Variants in TANC1 observed in about 807,000 individuals in gnomAD.
The protein encoded by TANC1 is protein TANC1.
TANC1 carries 77 observed loss-of-function variants against 149.7 expected under a neutral mutation model. The ratio of observed to expected loss-of-function variants is 0.51; its 90% CI spans 0.43 to 0.62. The LOEUF is 0.62. TANC1 is among the 20% of genes least tolerant of loss of function. TANC1 has a pLI of 0.00. For synonymous variants in TANC1, 854 were observed against 925.0 expected, an observed-to-expected ratio of 0.92 and a Z score of 1.39; for missense variants, 1,985 against 2,321.8, an observed-to-expected ratio of 0.85 and a Z score of 2.98.
At chr2:159,081,476 C>T (rs1044800072) in intron 3 of TANC1, among the ~76,000 whole-genome samples, 6 of 151,932 alleles carry the variant, frequency 3.9e-5, no homozygotes, top group African/African-American at 1.5e-4. Flanking sequence ...GGTGCTCCTA[C>T]CTCCCTCTGG....
At position 159,193,634 on chromosome 2, in the gene TANC1, C is replaced by T. The variant is rs1027584907; in HGVS notation, c.2743-623C>T. Among the ~76,000 whole-genome samples the T allele has an allele frequency of 2.0e-5, 3 of 152,144 alleles. No individual in the cohort carries two copies. The East Asian group carries it at 5.8e-4, about 29-fold the overall frequency. On this transcript the variant is annotated intron_variant, in intron 16 of 26. Coordinates refer to ENST00000263635, the MANE Select transcript of TANC1 (RefSeq NM_033394.3). ...CCACCTCCCGGGTTCAAGCGATTCT[C>T]CTGCCTCAGCCTCCCAAGTAGCTGA...
intron 3 of TANC1, among the ~76,000 whole-genome samples, chr2:159,071,164 A>G (rs1052545296): frequency 6.6e-5 from 10 of 152,146 alleles, no homozygotes; most frequent in Admixed American, 1.3e-4. Flanking sequence ...CTAGTTGTTC[A>G]GTATTGGTGA....
At chr2:159,066,761 A>T (rs2042703111) in intron 3 of TANC1, among the ~76,000 whole-genome samples, 1 of 152,184 alleles carries the variant, frequency 6.6e-6, no homozygotes, top group African/African-American at 2.4e-5. Context: ...TATAATGAGA[A>T]CTACTTAATT....
intron 4 of TANC1, among the ~76,000 whole-genome samples, chr2:159,121,086 C>G (rs1051113721): frequency 6.6e-6 from 1 of 152,134 alleles, no homozygotes; most frequent in Non-Finnish European, 1.5e-5. Flanking sequence ...ACAAGGTAAC[C>G]TGATGGTCTA....
chr2:158,974,244 C>T (rs2033322134), intron 1 of TANC1, among the ~76,000 whole-genome samples: 1 of 152,082 alleles, frequency 6.6e-6, no homozygotes, highest in African/African-American at 2.4e-5. Flanking sequence ...CTCACTGGTG[C>T]CGTGGTGGTT....
chr2:159,197,185 G>A (rs575455579), intron 18 of TANC1, among the ~76,000 whole-genome samples: 159 of 152,228 alleles, frequency 1.0e-3, no homozygotes, highest in Non-Finnish European at 2.0e-3. Flanking sequence ...TCGTTCCTGA[G>A]TATTTGAAGG....
chr2:159,085,158 G>A (rs2044708638), intron 3 of TANC1, among the ~76,000 whole-genome samples: 1 of 152,140 alleles, frequency 6.6e-6, no homozygotes, highest in Non-Finnish European at 1.5e-5. Flanking sequence ...CATGGGAATG[G>A]ATTAGTTCCA....
intron 5 of TANC1, among the ~76,000 whole-genome samples, chr2:159,143,842 A>G (rs2051739836): frequency 6.6e-6 from 1 of 152,142 alleles, no homozygotes; most frequent in Admixed American, 6.5e-5. Flanking sequence ...TTTAAAATCA[A>G]AAGTACAGCT....
intron 19 of TANC1, among the ~76,000 whole-genome samples, chr2:159,212,919 CAAAAAAA>C (rs35369711): frequency 2.6e-5 from 3 of 114,998 alleles, no homozygotes; most frequent in African/African-American, 6.8e-5. Flanking sequence ...GACACCGTCT[CAAAAAAA>C]AAAAAAAAAA....
intron 4 of TANC1, among the ~76,000 whole-genome samples, chr2:159,100,162 G>T (rs997475146): frequency 2.1e-4 from 32 of 152,172 alleles, no homozygotes; most frequent in African/African-American, 7.5e-4. Flanking sequence ...CCTACCTATA[G>T]TCTGTGCTAC....
At chr2:159,199,169 C>T in intron 19 of TANC1, 116 bp downstream of exon 19, 2 of 711,068 alleles carry the variant, frequency 2.8e-6, no homozygotes, top group Non-Finnish European at 4.7e-6. Context: ...TATTTTATCA[C>T]AAGCATTTGA....
chr2:159,159,804 T>C (rs1432222213), intron 7 of TANC1, among the ~76,000 whole-genome samples: 1 of 150,946 alleles, frequency 6.6e-6, no homozygotes, highest in Non-Finnish European at 1.5e-5. Flanking sequence ...GTGGGGTTGA[T>C]GGTTCTCAGC....
chr2:159,229,765 A>G lies in TANC1; in HGVS notation c.4339A>G (p.Thr1447Ala). 6.2e-7 allele frequency: 1 copy of G among 1,613,854 alleles called. No individual in the cohort carries two copies. Among genetic ancestry groups the G allele is most frequent in the Non-Finnish European group, 8.5e-7 (1 of 1,179,958 alleles). The change falls in exon 27 of 27, where the codon ACC becomes GCC. Residue 1447 changes from threonine (T) to alanine (A), a missense_variant. By Grantham distance (58) the Thr-to-Ala change is moderately conservative. Around this residue, in one of 3 missense-constraint regions of TANC1, gnomAD observed 920 missense variants for 994.7 expected, o/e 0.92. Transcript: ENST00000263635. ...CTCCGAGAACGAAGAGGACACCCCA[A>G]CCCCTGGCTTAAGTGACCACTTTCA... ...NDSENEEDTP[T>A]PGLSDHFHSE...
intron 4 of TANC1, among the ~76,000 whole-genome samples, chr2:159,099,655 A>G (rs536727597): frequency 6.6e-6 from 1 of 152,086 alleles, no homozygotes; most frequent in South Asian, 2.1e-4. Context: ...GTTTAGCAAG[A>G]ACGCCTCCCC....
At chr2:159,064,372 G>A (rs1290898937) in intron 2 of TANC1, among the ~76,000 whole-genome samples, 1 of 152,220 alleles carries the variant, frequency 6.6e-6, no homozygotes, top group Non-Finnish European at 1.5e-5. Flanking sequence ...AAACTTGTGT[G>A]TAAGATGATT....
rs371911240 is a variant in TANC1 at position 159,170,684 on chromosome 2, G to A, written c.1230G>A (p.Ala410=). ...RNTELAENRG[A]VVVGNVGFGK... is the part of the protein sequence containing the mutation. ...CAGAACTGGCAGAAAACAGAGGCGC[G>A]GTGGTGGTTGGCAATGTGGGATTTG... Residue 410 remains alanine (A), a synonymous_variant, in exon 10 of 27, where the codon GCG becomes GCA. Coordinates refer to ENST00000263635, the MANE Select transcript of TANC1 (RefSeq NM_033394.3). 34 of 1,614,156 alleles carry A rather than the reference G, an allele frequency of 2.1e-5. No individual in the cohort carries two copies. Among genetic ancestry groups the A allele is most frequent in the Middle Eastern group, 1.6e-4 (1 of 6,062 alleles).
Position 159,225,691 on chromosome 2 carries a change from A to G in TANC1, c.3815A>G (p.Asn1272Ser). The stretch of plus-strand genomic sequence containing the variant: ...TGAATGCGTGTTTGTTTTGCAGGAA[A>G]TGCTGCTTGGGCGATGGCCACTTCC... ...ALLRKGAKLG[N>S]AAWAMATSKP... Residue 1272 changes from asparagine to serine, a missense_variant, in exon 24 of 27, where the codon AAT becomes AGT. Around this residue, in one of 3 missense-constraint regions of TANC1, gnomAD observed 920 missense variants for 994.7 expected, o/e 0.92. Coordinates refer to ENST00000263635, the MANE Select transcript of TANC1 (RefSeq NM_033394.3). The G allele has an allele frequency of 6.2e-7, 1 of 1,613,864 alleles. No individual in the cohort carries two copies. The highest frequency in any genetic ancestry group is 8.5e-7 in the Non-Finnish European group (1 of 1,179,718).
chr2:159,099,653 A>G (rs1413621877), intron 4 of TANC1, among the ~76,000 whole-genome samples: 1 of 152,094 alleles, frequency 6.6e-6, no homozygotes, highest in Non-Finnish European at 1.5e-5. Context: ...AAGTTTAGCA[A>G]GAACGCCTCC....
intron 13 of TANC1, among the ~76,000 whole-genome samples, chr2:159,177,475 A>C (rs1276632768): frequency 6.6e-6 from 1 of 152,202 alleles, no homozygotes; most frequent in Non-Finnish European, 1.5e-5. Flanking sequence ...TCATTATAAA[A>C]ACTGAAATTA....
Sources: gnomAD v4.1 joint callset for allele counts (sites outside exome capture counted in the v4.1 genomes callset) on GRCh38, gnomAD v4.1.1 for gene constraint, gnomAD v4.1.1 regional missense constraint, MANE v1.5 for transcripts, NCBI Gene and HGNC (gene_info 2026-07-23, HGNC 2026-07-21) for gene names.